The following WWOX variants were observed in gnomAD, a reference collection of about 807,000 sequenced individuals.
WWOX encodes the protein WW domain containing oxidoreductase, also known as WW domain-containing oxidoreductase.
WWOX carries 69 observed loss-of-function variants against 46.2 expected under a neutral mutation model. The ratio of observed to expected loss-of-function variants is 1.49; its 90% confidence interval spans 1.23 to 1.82. WWOX has a LOEUF of 1.82. Ranked by LOEUF, WWOX falls within the 40% of genes most tolerant of loss-of-function variation. The probability of loss-of-function intolerance (pLI) is 0.00; values close to 1 mark genes in which losing one functional copy is unlikely to be tolerated. For synonymous variants in WWOX, 359 were observed against 202.6 expected, an observed-to-expected ratio of 1.77 and a Z score of -6.56; for missense variants, 919 against 542.6, an observed-to-expected ratio of 1.69 and a Z score of -6.89.
At chr16:78,223,545 T>G (rs146953885) in intron 5 of WWOX, among the ~76,000 whole-genome samples, 1 of 151,994 alleles carries the variant, frequency 6.6e-6, no homozygotes, top group Non-Finnish European at 1.5e-5. Flanking sequence ...CATAGGCACA[T>G]TGGACGGTGG....
At position 78,667,465 on chromosome 16, in the gene WWOX, T is replaced by C. The variant is rs186293662; in HGVS notation, c.1056+234713T>C. ...GCGGGTGGATCACAAGGTCAGGAGT[T>C]CAAGACCATCCTGGTTAACACGGTG... On this transcript the variant is annotated intron_variant, in intron 8 of 8. Transcript: ENST00000566780. Among the ~76,000 whole-genome samples, 4 of 151,944 alleles carry C rather than the reference T, an allele frequency of 2.6e-5. No homozygotes were observed. The East Asian group carries it at 7.8e-4, about 30-fold the overall frequency.
intron 8 of WWOX, among the ~76,000 whole-genome samples, chr16:78,856,605 T>C (rs1356811433): frequency 1.3e-5 from 2 of 152,080 alleles, no homozygotes; most frequent in Non-Finnish European, 2.9e-5. Flanking sequence ...ATCATGCCAC[T>C]GCACTCCAGC....
chr16:78,576,961 T>A (rs1255339612), intron 8 of WWOX, among the ~76,000 whole-genome samples: 1 of 152,228 alleles, frequency 6.6e-6, no homozygotes, highest in Non-Finnish European at 1.5e-5. Context: ...TTTCATCCCA[T>A]CTTCACTCCA....
intron 8 of WWOX, among the ~76,000 whole-genome samples, chr16:78,962,673 G>A (rs2046293284): frequency 6.6e-6 from 1 of 152,114 alleles, no homozygotes; most frequent in African/African-American, 2.4e-5. Flanking sequence ...CCTACGGTAA[G>A]GTGCACACAC....
At chr16:79,060,854 A>C (rs1354713724) in intron 8 of WWOX, among the ~76,000 whole-genome samples, 1 of 152,210 alleles carries the variant, frequency 6.6e-6, no homozygotes, top group East Asian at 1.9e-4. Context: ...TATTGAAATG[A>C]ATATTGGTTA....
intron 8 of WWOX, among the ~76,000 whole-genome samples, chr16:79,057,003 C>G (rs2048275102): frequency 6.6e-6 from 1 of 152,168 alleles, no homozygotes; most frequent in Non-Finnish European, 1.5e-5. Context: ...TTATCGTTCA[C>G]TTTTACAAAT....
chr16:79,037,317 A>G (rs2047887364), intron 8 of WWOX, among the ~76,000 whole-genome samples: 1 of 152,194 alleles, frequency 6.6e-6, no homozygotes. Flanking sequence ...GGGTGAAACC[A>G]GAATGGTTTT....
At chr16:78,191,210 A>G (rs2035873171) in intron 5 of WWOX, among the ~76,000 whole-genome samples, 1 of 152,154 alleles carries the variant, frequency 6.6e-6, no homozygotes, top group Non-Finnish European at 1.5e-5. Context: ...CTTTGTGAGA[A>G]TTAAGAAAAG....
chr16:78,655,996 A>G (rs1285998265), intron 8 of WWOX, among the ~76,000 whole-genome samples: 1 of 152,118 alleles, frequency 6.6e-6, no homozygotes, highest in Non-Finnish European at 1.5e-5. Context: ...AAAAAGAGAA[A>G]CACAACATTG....
intron 8 of WWOX, among the ~76,000 whole-genome samples, chr16:79,005,290 C>G (rs2047169406): frequency 6.6e-6 from 1 of 152,154 alleles, no homozygotes; most frequent in African/African-American, 2.4e-5. Context: ...CTTGATGACC[C>G]CTGGGAGGAG....
At chr16:78,557,073 A>G (rs2044315877) in intron 8 of WWOX, among the ~76,000 whole-genome samples, 1 of 152,268 alleles carries the variant, frequency 6.6e-6, no homozygotes, top group South Asian at 2.1e-4. Flanking sequence ...GGATTGTCCT[A>G]AGTGAGAAGC....
At chr16:78,273,477 CATTTAT>C (rs2079520164) in intron 5 of WWOX, among the ~76,000 whole-genome samples, 1 of 152,194 alleles carries the variant, frequency 6.6e-6, no homozygotes, top group Non-Finnish European at 1.5e-5. Flanking sequence ...ACTCAATAAA[CATTTAT>C]TAAATCCAAG....
At position 78,768,105 on chromosome 16, in the gene WWOX, G is replaced by A. The variant is rs531325430; in HGVS notation, c.1056+335353G>A. Among the ~76,000 whole-genome samples, 147 of 151,556 alleles carry A rather than the reference G, an allele frequency of 9.7e-4. 2 individuals are homozygous for A. The highest frequency in any genetic ancestry group is 3.2e-3 in the African/African-American group (134 of 41,296). On this transcript the variant is annotated intron_variant, in intron 8 of 8. Transcript: ENST00000566780. ...TTGTATTCTTATTATGTGTTTTACC[G>A]GGTAATTGTAATTCTTGGCTTTGGA...
rs2738604 is a variant in WWOX, at chr16:78,654,632, T to C, written c.1056+221880T>C. On this transcript the variant is annotated intron_variant, in intron 8 of 8. Coordinates refer to ENST00000566780, the MANE Select transcript of WWOX (RefSeq NM_016373.4). The stretch of plus-strand genomic sequence containing the variant: ...TGTTTTTAATGTACCTACCTATCTA[T>C]ACCTTTCTCTCTCTCTCTCTCTCTC... 1.8e-4 allele frequency among the ~76,000 whole-genome samples: 27 copies of C among 152,240 alleles called. 1 individual carries two copies. The East Asian group carries it at 5.2e-3, about 29-fold the overall frequency.
At chr16:78,336,641 ACTT>A (rs551517075) in intron 5 of WWOX, among the ~76,000 whole-genome samples, 37 of 152,006 alleles carry the variant, frequency 2.4e-4, no homozygotes, top group Non-Finnish European at 3.5e-4. Context: ...GGAGGTAAGG[ACTT>A]CTTAGTTCCA....
intron 8 of WWOX, among the ~76,000 whole-genome samples, chr16:79,006,585 A>G (rs774545488): frequency 2.0e-5 from 3 of 152,064 alleles, no homozygotes; most frequent in African/African-American, 4.8e-5. Flanking sequence ...GCTGTAACCA[A>G]TGATTACAAA....
chr16:79,176,533 T>A (rs914255165), intron 8 of WWOX, among the ~76,000 whole-genome samples: 6 of 152,206 alleles, frequency 3.9e-5, no homozygotes, highest in East Asian at 1.9e-4. Flanking sequence ...GCATCTGCAG[T>A]CTCTGGTATA....
At chr16:78,131,608 G>C (rs1173829416) in intron 4 of WWOX, among the ~76,000 whole-genome samples, 2 of 151,518 alleles carry the variant, frequency 1.3e-5, no homozygotes, top group South Asian at 4.2e-4. Context: ...TTGAGATGGA[G>C]TCTCACTCTG....
intron 8 of WWOX, among the ~76,000 whole-genome samples, chr16:78,767,062 C>CT: frequency 6.8e-6 from 1 of 146,166 alleles, no homozygotes; most frequent in Middle Eastern, 3.6e-3. Context: ...CTCTCCTTCC[C>CT]TCCCTCCCTC....
Sources: gnomAD v4.1 joint callset for allele counts (sites outside exome capture counted in the v4.1 genomes callset) on GRCh38, gnomAD v4.1.1 for gene constraint, MANE v1.5 for transcripts, NCBI Gene and HGNC (gene_info 2026-07-23, HGNC 2026-07-21) for gene names.